Variants in DLG2 observed in about 807,000 individuals in gnomAD.
DLG2 encodes disks large homolog 2.
DLG2 carries 45 observed loss-of-function variants against 132.5 expected under a neutral mutation model. That is an observed-to-expected ratio of 0.34 (90% CI 0.27 to 0.44). The LOEUF is 0.44. Among genes scored for constraint, DLG2 ranks in the 20% least tolerant of loss-of-function variants. DLG2 has a pLI of 1.00. For synonymous variants in DLG2, 424 were observed against 419.6 expected, an observed-to-expected ratio of 1.01 and a Z score of -0.13; for missense variants, 1,045 against 1,196.9, an observed-to-expected ratio of 0.87 and a Z score of 1.87.
chr11:84,638,311 A>G (rs1289658628), intron 6 of DLG2, among the ~76,000 whole-genome samples: 4 of 152,232 alleles, frequency 2.6e-5, no homozygotes, highest in Non-Finnish European at 5.9e-5. Context: ...AACTTTCATT[A>G]AAATTCAGTA....
chr11:84,552,552 G>A (rs2099403866), intron 6 of DLG2, among the ~76,000 whole-genome samples: 1 of 152,112 alleles, frequency 6.6e-6, no homozygotes, highest in Non-Finnish European at 1.5e-5. Context: ...CCCCCAGACT[G>A]CGGTCAGAAC....
intron 19 of DLG2, among the ~76,000 whole-genome samples, chr11:83,616,261 A>T (rs1279409460): frequency 1.3e-5 from 2 of 152,276 alleles, no homozygotes; most frequent in East Asian, 3.9e-4. Context: ...GTATATACCT[A>T]GGGATAGATC....
chr11:84,057,529 C>T (rs936047911), intron 11 of DLG2, among the ~76,000 whole-genome samples: 2 of 151,964 alleles, frequency 1.3e-5, no homozygotes, highest in Non-Finnish European at 2.9e-5. Context: ...CATGAAAATG[C>T]TTCACTTTTT....
intron 3 of DLG2, among the ~76,000 whole-genome samples, chr11:85,456,516 A>T (rs1000339474): frequency 6.6e-6 from 1 of 151,818 alleles, no homozygotes; most frequent in Non-Finnish European, 1.5e-5. Context: ...TAGCTTTGAG[A>T]TTGGTTTGCT....
chr11:84,869,066 G>A (rs1334159044), intron 6 of DLG2, among the ~76,000 whole-genome samples: 1 of 152,118 alleles, frequency 6.6e-6, no homozygotes, highest in African/African-American at 2.4e-5. Context: ...AGAGTAAAAT[G>A]TACATTTAGG....
chr11:85,599,348 TTCTC>T lies in DLG2; in HGVS notation c.-92-564_-92-561del, dbSNP rs373131909. Among the ~76,000 whole-genome samples the T allele has an allele frequency of 9.7e-3, 1,427 of 147,592 alleles. 14 individuals carry two copies. Among genetic ancestry groups the T allele is most frequent in the South Asian group, 0.032 (145 of 4,584 alleles). On this transcript the variant is annotated intron_variant, in intron 2 of 27. Transcript: ENST00000376104. Reference sequence around the variant, plus strand: ...CTTGCTCTCTCCCCCACCTCTCTCTTTCTCTCTCTCTCTCTCTCTCTACTTTTTC... The same window carrying T: ...CTTGCTCTCTCCCCCACCTCTCTCTTTCTCTCTCTCTCTCTCTACTTTTTC...
intron 6 of DLG2, among the ~76,000 whole-genome samples, chr11:85,036,756 G>A (rs1160970264): frequency 6.6e-6 from 1 of 151,996 alleles, no homozygotes; most frequent in African/African-American, 2.4e-5. Context: ...ATCTTTACAT[G>A]GCTTATATAA....
At chr11:85,542,279 T>C (rs1429223754) in intron 3 of DLG2, among the ~76,000 whole-genome samples, 1 of 152,212 alleles carries the variant, frequency 6.6e-6, no homozygotes, top group Non-Finnish European at 1.5e-5. Flanking sequence ...GGCACCACCT[T>C]CATTGTTAAG....
chr11:85,444,301 G>A (rs1051842668), intron 3 of DLG2, among the ~76,000 whole-genome samples: 2 of 152,184 alleles, frequency 1.3e-5, no homozygotes, highest in Non-Finnish European at 2.9e-5. Flanking sequence ...TGCCAGCACT[G>A]GTAGGAGTTA....
chr11:84,752,481 T>C (rs1268648215), intron 6 of DLG2, among the ~76,000 whole-genome samples: 4 of 151,776 alleles, frequency 2.6e-5, no homozygotes, highest in African/African-American at 9.7e-5. Flanking sequence ...TTTATTATTA[T>C]TTTTTTATCA....
chr11:85,163,022 A>C (rs2078158615), intron 4 of DLG2, among the ~76,000 whole-genome samples: 1 of 152,150 alleles, frequency 6.6e-6, no homozygotes, highest in Non-Finnish European at 1.5e-5. Flanking sequence ...AACAACGTGA[A>C]AAGACTAGAC....
At chr11:83,590,564 C>T (rs1221345765) in intron 19 of DLG2, among the ~76,000 whole-genome samples, 2 of 151,760 alleles carry the variant, frequency 1.3e-5, no homozygotes, top group Non-Finnish European at 2.9e-5. Context: ...GACACCCTAA[C>T]ATCACAATTA....
At chr11:83,579,793 A>AC (rs1381634892) in intron 19 of DLG2, among the ~76,000 whole-genome samples, 2 of 151,834 alleles carry the variant, frequency 1.3e-5, no homozygotes, top group Non-Finnish European at 2.9e-5. Flanking sequence ...ACAAGGTGAA[A>AC]CCCCGTCTCC....
At position 83,459,007 on chromosome 11, in the gene DLG2, G is replaced by A. The variant is rs189518525; in HGVS notation, c.*811C>T. The A allele has an allele frequency of 3.6e-3, 553 of 152,422 alleles. 5 individuals are homozygous for A. Among genetic ancestry groups the A allele is most frequent in the African/African-American group, 0.013 (536 of 41,572 alleles). The allele number at this position is 152,422 out of a possible 1,614,324, so 9.4% of individuals were successfully genotyped here. On this transcript the variant is annotated 3_prime_UTR_variant, in exon 28 of 28. Coordinates refer to ENST00000376104, the MANE Select transcript of DLG2 (RefSeq NM_001142699.3). Reference sequence around the variant, plus strand: ...GTCTTGAATTTGATCATCTGCTGATGTTGCATACATTTAGTCTTTCAATAT... The same window carrying A: ...GTCTTGAATTTGATCATCTGCTGATATTGCATACATTTAGTCTTTCAATAT...
intron 7 of DLG2, among the ~76,000 whole-genome samples, chr11:84,385,193 T>C (rs2098764694): frequency 6.6e-6 from 1 of 151,994 alleles, no homozygotes; most frequent in African/African-American, 2.4e-5. Flanking sequence ...CCCATTTAGA[T>C]CTCTAAATCA....
intron 19 of DLG2, among the ~76,000 whole-genome samples, chr11:83,559,881 C>A (rs1304691833): frequency 4.6e-5 from 7 of 152,136 alleles, no homozygotes; most frequent in African/African-American, 1.4e-4. Context: ...CTGGAAGGAA[C>A]CTGGAGGTCC....
chr11:84,728,596 T>C (rs2062781681), intron 6 of DLG2, among the ~76,000 whole-genome samples: 1 of 152,182 alleles, frequency 6.6e-6, no homozygotes, highest in Non-Finnish European at 1.5e-5. Flanking sequence ...AGGATGATGC[T>C]GGCCTCATGA....
chr11:85,283,393 T>A (rs1464537459), intron 4 of DLG2, among the ~76,000 whole-genome samples: 1 of 151,482 alleles, frequency 6.6e-6, no homozygotes, highest in Non-Finnish European at 1.5e-5. Context: ...AAGAATTTTT[T>A]AAAAAGTAAT....
intron 18 of DLG2, among the ~76,000 whole-genome samples, chr11:83,639,595 CG>C (rs2065855692): frequency 1.2e-5 from 1 of 84,004 alleles, no homozygotes; most frequent in Admixed American, 1.8e-4. Context: ...CATCACATAC[CG>C]GGGCCTGTTG....
Sources: gnomAD v4.1 joint callset for allele counts (sites outside exome capture counted in the v4.1 genomes callset) on GRCh38, gnomAD v4.1.1 for gene constraint, MANE v1.5 for transcripts, NCBI Gene and HGNC (gene_info 2026-07-23, HGNC 2026-07-21) for gene names.